DYNC1H1: variants seen among roughly 807,000 people sequenced by gnomAD.
The protein encoded by DYNC1H1 is cytoplasmic dynein 1 heavy chain 1.
A neutral mutation model predicts 527.1 loss-of-function variants in DYNC1H1; 51 were observed. The observed-to-expected ratio is 0.10, with a 90% CI of 0.08 to 0.12. The LOEUF (loss-of-function observed/expected upper bound fraction) is 0.12, where lower values mean the gene tolerates loss of function less well. Ranked by LOEUF, DYNC1H1 falls within the 10% of genes least tolerant of loss-of-function variation. The pLI is 1.00. For synonymous variants in DYNC1H1, 2,189 were observed against 2,278.8 expected, an observed-to-expected ratio of 0.96 and a Z score of 1.12; for missense variants, 2,771 against 5,971.8, an observed-to-expected ratio of 0.46 and a Z score of 17.66.
At chr14:102,013,026 G>A (rs375399896) in intron 34 of DYNC1H1, among the ~76,000 whole-genome samples, 64 of 152,196 alleles carry the variant, frequency 4.2e-4, no homozygotes, top group African/African-American at 1.3e-3. Context: ...GAGGCAGGCG[G>A]ATCACAAAGT....
rs2048335848 is a variant in DYNC1H1, at chr14:102,017,423, C to T, written c.8096C>T (p.Thr2699Ile). The T allele has an allele frequency of 1.2e-6, 2 of 1,614,216 alleles. No individual in the cohort carries two copies. Among genetic ancestry groups the T allele is most frequent in the Non-Finnish European group, 1.7e-6 (2 of 1,180,044 alleles). Residue 2699 changes from threonine to isoleucine, a missense_variant, in exon 40 of 78, where the codon ACA (threonine) becomes ATA (isoleucine). Thr to Ile is a moderately conservative substitution (Grantham distance 89). Around this residue, in one of 32 missense-constraint regions of DYNC1H1, gnomAD observed 163 missense variants for 346.9 expected, o/e 0.47. Coordinates refer to ENST00000360184, the MANE Select transcript of DYNC1H1 (RefSeq NM_001376.5). This position sits in a 1 kb window ranked among gnomAD's most constrained non-coding sequence, Gnocchi z 4.6. Reference protein sequence around the residue: ...HGGFYRTSDQTWVKLERIQFV... With the variant: ...HGGFYRTSDQIWVKLERIQFV... ...GGCTTTTACCGTACCTCAGATCAAA[C>T]ATGGGTGAAGCTGGAGAGAATCCAG...
intron 23 of DYNC1H1, among the ~76,000 whole-genome samples, chr14:102,003,885 C>T (rs542726095): frequency 5.3e-5 from 8 of 151,736 alleles, no homozygotes; most frequent in South Asian, 4.2e-4. Context: ...ACGATTGCGC[C>T]GCTGCACTCC....
chr14:102,044,867 C>A lies in DYNC1H1; in HGVS notation c.13006+169C>A, dbSNP rs916041670. ...CAGCCTCGGCCTTCCTGCCAGTCTCCAGCTGCTCCTAGCTCCACTCCGAGG... is the reference window on the plus strand; with the variant it reads ...CAGCCTCGGCCTTCCTGCCAGTCTCAAGCTGCTCCTAGCTCCACTCCGAGG... On this transcript the variant is annotated intron_variant, in intron 72 of 77. Transcript: ENST00000360184. This position sits in a 1 kb window ranked among gnomAD's most constrained non-coding sequence, Gnocchi z 7.1. The A allele has an allele frequency of 2.7e-6, 2 of 738,318 alleles. No individual in the cohort carries two copies. The highest frequency in any genetic ancestry group is 4.5e-6 in the Non-Finnish European group (2 of 441,150). 45.7% of individuals were successfully genotyped at this position (738,318 alleles called of 1,614,324 possible). A position where few individuals can be genotyped will look rare whatever the true frequency, so the allele number is the denominator to read the frequency against.
intron 41 of DYNC1H1, 27 bp from the exon 42 acceptor site, chr14:102,019,866 T>C: frequency 6.2e-7 from 1 of 1,614,068 alleles, no homozygotes; most frequent in Non-Finnish European, 8.5e-7. Flanking sequence ...TATTTACGTG[T>C]ACCTTCCATT....
chr14:101,993,703 C>G (rs568259475), intron 11 of DYNC1H1, among the ~76,000 whole-genome samples: 2 of 152,326 alleles, frequency 1.3e-5, no homozygotes, highest in South Asian at 2.1e-4. Context: ...GACGTCATTA[C>G]TGAAAATGCA....
chr14:102,015,259 G>A lies in DYNC1H1; in HGVS notation c.7169G>A (p.Gly2390Glu). ...ARLRSIPLDE[G>E]EDEAQRRRKG... is the part of the protein sequence containing the mutation. ...CTGCGCAGCATCCCGCTGGATGAAG[G>A]GGAGGATGAGGCACAGCGGCGGCGT... Residue 2390 changes from glycine to glutamate, a missense_variant, in exon 35 of 78, where the codon GGG becomes GAG. Gly to Glu is a moderately conservative substitution (Grantham distance 98). Transcript: ENST00000360184. This position sits in a 1 kb window ranked among gnomAD's most constrained non-coding sequence, Gnocchi z 6.9. 6.2e-7 allele frequency: 1 copy of A among 1,614,230 alleles called. No homozygotes were observed. The highest frequency in any genetic ancestry group is 8.5e-7 in the Non-Finnish European group (1 of 1,180,046).
At chr14:102,035,281 TCAAA>T (rs898749268) in intron 56 of DYNC1H1, 1 of 152,228 alleles carries the variant, frequency 6.6e-6, no homozygotes, top group South Asian at 2.1e-4. Context: ...GGGTGGACAT[TCAAA>T]CAAACAGTCC....
At chr14:101,975,909 T>TA in intron 2 of DYNC1H1, 110 bp downstream of exon 2, 2 of 852,726 alleles carry the variant, frequency 2.3e-6, no homozygotes, top group Non-Finnish European at 3.6e-6. Flanking sequence ...TTAATATAAA[T>TA]CTTTTTTTTT....
intron 5 of DYNC1H1, 45 bp downstream of exon 5, chr14:101,980,595 G>A: frequency 1.9e-6 from 3 of 1,595,540 alleles, no homozygotes; most frequent in Non-Finnish European, 2.6e-6. Context: ...TATTGATCTG[G>A]CTTTTACGAG....
chr14:101,970,497 T>TTG (rs2047723722), intron 1 of DYNC1H1, among the ~76,000 whole-genome samples: 2 of 130,942 alleles, frequency 1.5e-5, no homozygotes, highest in African/African-American at 3.2e-5. Flanking sequence ...TTTTTTTTTT[T>TTG]TTTGAGATGG....
In DYNC1H1 at chr14:102,022,226, G is replaced by A. The variant is rs966790227; in HGVS notation, c.8508-525G>A. ...AGAGTGAGACTCTGGGCTGGGCGAGGTGGCTCACGCCTGTAATCCCAGCAC... is the reference window on the plus strand; with the variant it reads ...AGAGTGAGACTCTGGGCTGGGCGAGATGGCTCACGCCTGTAATCCCAGCAC... On this transcript the variant is annotated intron_variant, in intron 42 of 77. Coordinates refer to ENST00000360184, the MANE Select transcript of DYNC1H1 (RefSeq NM_001376.5). Among the ~76,000 whole-genome samples the A allele has an allele frequency of 3.9e-5, 6 of 152,062 alleles. No individual in the cohort carries two copies. The South Asian group carries it at 1.0e-3, about 26-fold the overall frequency.
chr14:102,007,724 GAAGCC>G (rs1406581849), intron 28 of DYNC1H1, among the ~76,000 whole-genome samples: 2 of 152,196 alleles, frequency 1.3e-5, no homozygotes, highest in Non-Finnish European at 1.5e-5. Flanking sequence ...TGAGCCCCGT[GAAGCC>G]AGCACTGAGG....
In DYNC1H1 at chr14:101,986,959, G is replaced by A. The variant is rs963362793; in HGVS notation, c.2538+196G>A. The stretch of plus-strand genomic sequence containing the variant: ...TGCTGGGTTTTAGGGAGGCCATTAA[G>A]TAACAACCTGAGTTTAGAAACAGGT... On this transcript the variant is annotated intron_variant, in intron 8 of 77. Transcript: ENST00000360184. This position sits in a 1 kb window ranked among gnomAD's most constrained non-coding sequence, Gnocchi z 8.7. Among the ~76,000 whole-genome samples the A allele has an allele frequency of 9.8e-5, 15 of 152,362 alleles. No homozygotes were observed. Among genetic ancestry groups the A allele is most frequent in the African/African-American group, 3.6e-4 (15 of 41,588 alleles).
Position 102,049,142 on chromosome 14 carries a change from T to C in DYNC1H1, c.13373-298T>C. The stretch of plus-strand genomic sequence containing the variant: ...GGAACACTGAGCCACTTGTGTGACA[T>C]GAGGTTTTAGCCGCGGTTTTGCTTG... On this transcript the variant is annotated intron_variant, in intron 74 of 77. Transcript: ENST00000360184. The surrounding 1 kb of genome is among the most constrained non-coding windows in gnomAD (Gnocchi z 5.5). 2.1e-6 allele frequency: 1 copy of C among 478,122 alleles called. No homozygotes were observed. The highest frequency in any genetic ancestry group is 3.9e-6 in the Non-Finnish European group (1 of 259,710). 29.6% of individuals were successfully genotyped at this position (478,122 alleles called of 1,614,324 possible). A position where few individuals can be genotyped will look rare whatever the true frequency, so the allele number is the denominator to read the frequency against.
chr14:102,028,361 G>A lies in DYNC1H1; in HGVS notation c.9468+220G>A, dbSNP rs540099712. On this transcript the variant is annotated intron_variant, in intron 48 of 77. Coordinates refer to ENST00000360184, the MANE Select transcript of DYNC1H1 (RefSeq NM_001376.5). ...ACCCCATCTCTACAAAAAATACAAA[G>A]AAAATTAGCCGGGCATGGTGGTGGG... The A allele has an allele frequency of 8.7e-5, 43 of 493,774 alleles. No homozygotes were observed. The East Asian group carries it at 1.7e-3, about 20-fold the overall frequency. 30.6% of individuals were successfully genotyped at this position (493,774 alleles called of 1,614,324 possible).
rs559197482 is a variant in DYNC1H1 at position 102,041,738 on chromosome 14, A to T, written c.12102+4A>T. 1.9e-6 allele frequency: 3 copies of T among 1,613,976 alleles called. No homozygotes were observed. The South Asian group carries it at 3.3e-5, about 18-fold the overall frequency. On this transcript the variant is annotated splice_donor_region_variant and intron_variant, in intron 65 of 77. Coordinates refer to ENST00000360184, the MANE Select transcript of DYNC1H1 (RefSeq NM_001376.5). This position sits in a 1 kb window ranked among gnomAD's most constrained non-coding sequence, Gnocchi z 4.5. ...GACCCACATTGTGGGCACAGAGGTAATGTCCTGGTACAGCCCGGGCTTCCC... is the reference window on the plus strand; with the variant it reads ...GACCCACATTGTGGGCACAGAGGTATTGTCCTGGTACAGCCCGGGCTTCCC...
rs924317887 is a variant in DYNC1H1 at position 102,017,279 on chromosome 14, A to T, written c.8040A>T (p.Ile2680=). The part of the protein sequence containing the change: ...DMDKYGTQRV[I]SFIRQMVEHG... ...ATAAATATGGGACCCAGAGGGTCATATCCTTCATCAGACAGGTTTGTTTCT... is the reference window on the plus strand; with the variant it reads ...ATAAATATGGGACCCAGAGGGTCATTTCCTTCATCAGACAGGTTTGTTTCT... The change falls in exon 39 of 78, where the codon ATA becomes ATT. Residue 2680 remains isoleucine (I), a synonymous_variant. Transcript: ENST00000360184. The surrounding 1 kb of genome is among the most constrained non-coding windows in gnomAD (Gnocchi z 4.6). The T allele has an allele frequency of 6.2e-7, 1 of 1,614,238 alleles. No individual in the cohort carries two copies. Among genetic ancestry groups the T allele is most frequent in the Non-Finnish European group, 8.5e-7 (1 of 1,180,038 alleles).
chr14:101,991,440 G>A lies in DYNC1H1; in HGVS notation c.2869-87G>A. ...AGGTTGTGCCATTACACTGCAGCCT[G>A]GGCAGTAAGAGTGAAACTCTGTCTT... On this transcript the variant is annotated intron_variant, in intron 10 of 77. Transcript: ENST00000360184. 3.3e-6 allele frequency: 5 copies of A among 1,525,192 alleles called. No individual in the cohort carries two copies. In the South Asian group the frequency reaches 4.6e-5, roughly 14 times the overall value. 94.5% of individuals were successfully genotyped at this position (1,525,192 alleles called of 1,614,324 possible). A position where few individuals can be genotyped will look rare whatever the true frequency, so the allele number is the denominator to read the frequency against.
rs17512593 is a variant in DYNC1H1 at position 102,026,187 on chromosome 14, C to T, written c.8638-387C>T. 9.9e-3 allele frequency among the ~76,000 whole-genome samples: 1,508 copies of T among 151,690 alleles called. 212 individuals carry two copies. The East Asian group carries it at 0.26, about 26-fold the overall frequency. On this transcript the variant is annotated intron_variant, in intron 43 of 77. Transcript: ENST00000360184. ...GATCTTTCCTGTTCCAAATGAAATA[C>T]AGAAATGGCTTGTCAGGTTGCACCA...
Sources: allele counts gnomAD v4.1 joint callset (sites outside exome capture counted in the v4.1 genomes callset), GRCh38; gene constraint gnomAD v4.1.1; regional missense constraint gnomAD v4.1.1; non-coding constraint Gnocchi (gnomAD v3.1); transcripts MANE v1.5; gene names NCBI Gene and HGNC (gene_info 2026-07-23, HGNC 2026-07-21).